The following CREBL2 variants were observed in gnomAD, a reference collection of about 807,000 sequenced individuals.
CREBL2 encodes the protein cAMP responsive element binding protein like 2.
A neutral mutation model predicts 19.5 loss-of-function variants in CREBL2; 4 were observed. The ratio of observed to expected loss-of-function variants is 0.20; its 90% CI spans 0.10 to 0.47. CREBL2 has a LOEUF of 0.47. CREBL2 is among the 20% of genes least tolerant of loss of function. The pLI is 0.98. For missense variants in CREBL2, 85 were observed against 145.1 expected, an observed-to-expected ratio of 0.59 and a Z score of 2.13; for synonymous variants, 42 against 46.6, an observed-to-expected ratio of 0.90 and a Z score of 0.40.
At chr12:12,639,234 G>C (rs1408685355) in intron 3 of CREBL2, among the ~76,000 whole-genome samples, 2 of 152,068 alleles carry the variant, frequency 1.3e-5, no homozygotes, top group African/African-American at 4.8e-5. Flanking sequence ...TTACCTCTTA[G>C]ATATTGTGAG....
chr12:12,639,185 T>G (rs1005158362), intron 3 of CREBL2, among the ~76,000 whole-genome samples: 2 of 152,222 alleles, frequency 1.3e-5, no homozygotes, highest in Admixed American at 6.5e-5. Context: ...ATAATATTTA[T>G]ATATATACAG....
intron 1 of CREBL2, among the ~76,000 whole-genome samples, chr12:12,613,990 C>CTTTTTTTTTTTTTTTTTTTTT (rs57522744): frequency 1.4e-4 from 10 of 72,894 alleles, no homozygotes; most frequent in Non-Finnish European, 1.7e-4. Flanking sequence ...TCTTTTTTTT[C>CTTTTTTTTTTTTTTTTTTTTT]TTTTTTTTTT....
At chr12:12,626,361 C>T (rs1945401935) in intron 1 of CREBL2, among the ~76,000 whole-genome samples, 1 of 151,976 alleles carries the variant, frequency 6.6e-6, no homozygotes, top group Admixed American at 6.6e-5. Flanking sequence ...ATCAGCAATC[C>T]CTCCCTTGAT....
chr12:12,632,910 A>C (rs1945451578), intron 1 of CREBL2, among the ~76,000 whole-genome samples: 1 of 149,770 alleles, frequency 6.7e-6, no homozygotes, highest in Non-Finnish European at 1.5e-5. Flanking sequence ...TATATATATA[A>C]ATTTTTTTAA....
At position 12,644,927 on chromosome 12, in the gene CREBL2, AAAGGAGG is replaced by A. The variant is rs1945553522; in HGVS notation, c.*2931_*2937del. ...ATTATCCATTACATATTTAGTTTTA[AAAGGAGG>A]AGTCACCTTGAATTATTTTCTGAGT... On this transcript the variant is annotated 3_prime_UTR_variant, in exon 4 of 4. Coordinates refer to ENST00000228865, the MANE Select transcript of CREBL2 (RefSeq NM_001310.4). 1 of 152,224 alleles carries A rather than the reference AAAGGAGG, an allele frequency of 6.6e-6. No individual in the cohort carries two copies. Among genetic ancestry groups the A allele is most frequent in the Non-Finnish European group, 1.5e-5 (1 of 68,032 alleles). The allele number at this position is 152,224 out of a possible 1,614,324, so 9.4% of individuals were successfully genotyped here. A position where few individuals can be genotyped will look rare whatever the true frequency, so the allele number is the denominator to read the frequency against.
intron 1 of CREBL2, among the ~76,000 whole-genome samples, chr12:12,618,533 C>T (rs1945333417): frequency 2.0e-5 from 3 of 151,744 alleles, no homozygotes; most frequent in Admixed American, 2.0e-4. Context: ...AAGAGGCGCT[C>T]CTCACTTCCC....
At position 12,642,483 on chromosome 12, in the gene CREBL2, T is replaced by C. The variant is rs927402142; in HGVS notation, c.*485T>C. On this transcript the variant is annotated 3_prime_UTR_variant, in exon 4 of 4. Coordinates refer to ENST00000228865, the MANE Select transcript of CREBL2 (RefSeq NM_001310.4). ...CTCAGCCTTTATGGACCTAATCTTA[T>C]TTTTATTTACTTGAGTAATGTTTAT... The C allele has an allele frequency of 6.5e-6, 1 of 152,980 alleles. No individual in the cohort carries two copies. Among genetic ancestry groups the C allele is most frequent in the South Asian group, 2.1e-4 (1 of 4,848 alleles). The allele number at this position is 152,980 out of a possible 1,614,324, so 9.5% of individuals were successfully genotyped here.
At chr12:12,616,535 C>A (rs1158291730) in intron 1 of CREBL2, among the ~76,000 whole-genome samples, 2 of 152,164 alleles carry the variant, frequency 1.3e-5, no homozygotes, top group Non-Finnish European at 2.9e-5. Context: ...CTCTGGAATA[C>A]TCTACTTGCA....
intron 1 of CREBL2, among the ~76,000 whole-genome samples, chr12:12,624,593 G>C (rs1048015718): frequency 6.6e-6 from 1 of 152,232 alleles, no homozygotes. Context: ...GGTGCTAGCA[G>C]GAGTGAACTT....
At position 12,644,985 on chromosome 12, in the gene CREBL2, C is replaced by T. The variant is rs1369206648; in HGVS notation, c.*2987C>T. 2 of 152,134 alleles carry T rather than the reference C, an allele frequency of 1.3e-5. No homozygotes were observed. Among genetic ancestry groups the T allele is most frequent in the Non-Finnish European group, 2.9e-5 (2 of 68,016 alleles). 9.4% of individuals were successfully genotyped at this position (152,134 alleles called of 1,614,324 possible). A position where few individuals can be genotyped will look rare whatever the true frequency, so the allele number is the denominator to read the frequency against. On this transcript the variant is annotated 3_prime_UTR_variant, in exon 4 of 4. Coordinates refer to ENST00000228865, the MANE Select transcript of CREBL2 (RefSeq NM_001310.4). ...CACCTTGAGTTATTTGATCTCTCAG[C>T]CTGCTTTCTCATCTGTAAAAAAGGG...
chr12:12,635,763 C>G lies in CREBL2; in HGVS notation c.16-14C>G. 6.3e-7 allele frequency: 1 copy of G among 1,598,618 alleles called. No individual in the cohort carries two copies. Among genetic ancestry groups the G allele is most frequent in the Non-Finnish European group, 8.5e-7 (1 of 1,171,876 alleles). ...AACTAAGGAAAAAATTATTTCTTCT[C>G]TCGCTTGCTGAAGGTGGTTGGAGGC... On this transcript the variant is annotated splice_polypyrimidine_tract_variant and intron_variant, in intron 1 of 3. Transcript: ENST00000228865.
chr12:12,639,309 T>C (rs1945500136), intron 3 of CREBL2, among the ~76,000 whole-genome samples: 1 of 152,218 alleles, frequency 6.6e-6, no homozygotes, highest in African/African-American at 2.4e-5. Flanking sequence ...TTCATTTGTA[T>C]GTATACCTAG....
At chr12:12,612,763 C>T (rs1945278289) in intron 1 of CREBL2, among the ~76,000 whole-genome samples, 1 of 152,146 alleles carries the variant, frequency 6.6e-6, no homozygotes, top group African/African-American at 2.4e-5. Flanking sequence ...CTTTAATAGC[C>T]CATCACCATC....
intron 1 of CREBL2, among the ~76,000 whole-genome samples, chr12:12,614,063 G>T (rs949887225): frequency 4.9e-5 from 7 of 143,278 alleles, no homozygotes; most frequent in African/African-American, 1.8e-4. Context: ...GCACGATCTC[G>T]GCTCACTGCC....
chr12:12,622,523 T>G (rs1321566287), intron 1 of CREBL2, among the ~76,000 whole-genome samples: 1 of 152,022 alleles, frequency 6.6e-6, no homozygotes, highest in East Asian at 1.9e-4. Flanking sequence ...TTACCAGTTG[T>G]GGGGGATGAG....
chr12:12,618,451 G>A (rs545518447), intron 1 of CREBL2, among the ~76,000 whole-genome samples: 5 of 151,114 alleles, frequency 3.3e-5, no homozygotes, highest in African/African-American at 9.8e-5. Context: ...GGGCAGAGGC[G>A]CTCCCCACAT....
chr12:12,613,949 T>C (rs1235377027), intron 1 of CREBL2, among the ~76,000 whole-genome samples: 2 of 151,442 alleles, frequency 1.3e-5, no homozygotes, highest in South Asian at 2.1e-4. Context: ...AATATTTCTT[T>C]GGGGAGGGGA....
At position 12,643,998 on chromosome 12, in the gene CREBL2, C is replaced by G. The variant is rs1434311035; in HGVS notation, c.*2000C>G. On this transcript the variant is annotated 3_prime_UTR_variant, in exon 4 of 4. Coordinates refer to ENST00000228865, the MANE Select transcript of CREBL2 (RefSeq NM_001310.4). ...AAGAGTTGTTTTCAAAACAAACATT[C>G]CAGAATGAATGTCGCTCTTCAATGG... 1 of 152,540 alleles carries G rather than the reference C, an allele frequency of 6.6e-6. No individual in the cohort carries two copies. Among genetic ancestry groups the G allele is most frequent in the Non-Finnish European group, 1.5e-5 (1 of 68,022 alleles). 9.4% of individuals were successfully genotyped at this position (152,540 alleles called of 1,614,324 possible).
chr12:12,616,790 A>G (rs1210544750), intron 1 of CREBL2, among the ~76,000 whole-genome samples: 1 of 152,110 alleles, frequency 6.6e-6, no homozygotes, highest in African/African-American at 2.4e-5. Flanking sequence ...CTCTCGTCCC[A>G]TTTTCTTCAG....
Sources: allele counts gnomAD v4.1 joint callset (sites outside exome capture counted in the v4.1 genomes callset), GRCh38; gene constraint gnomAD v4.1.1; transcripts MANE v1.5; gene names NCBI Gene and HGNC (gene_info 2026-07-23, HGNC 2026-07-21).